The following NAMPT variants were observed in gnomAD, a reference collection of about 807,000 sequenced individuals.
The protein encoded by NAMPT is nicotinamide phosphoribosyltransferase.
In NAMPT, 7 loss-of-function variants were observed where a neutral mutation model predicts 58.7. The ratio of observed to expected loss-of-function variants is 0.12; its 90% CI spans 0.07 to 0.22. The LOEUF is 0.22. Ranked by LOEUF, NAMPT falls within the 10% of genes least tolerant of loss-of-function variation. NAMPT has a pLI of 1.00. For missense variants in NAMPT, 271 were observed against 567.9 expected, an observed-to-expected ratio of 0.48 and a Z score of 5.31; for synonymous variants, 145 against 198.1, an observed-to-expected ratio of 0.73 and a Z score of 2.25.
intron 3 of NAMPT, among the ~76,000 whole-genome samples, chr7:106,273,238 C>G (rs1277104966): frequency 6.6e-6 from 1 of 152,204 alleles, no homozygotes; most frequent in Non-Finnish European, 1.5e-5. Flanking sequence ...GCAATTAACA[C>G]TCGAGTATGA....
intron 1 of NAMPT, among the ~76,000 whole-genome samples, chr7:106,281,454 T>A (rs889877423): frequency 2.6e-5 from 4 of 152,120 alleles, no homozygotes; most frequent in Non-Finnish European, 4.4e-5. Flanking sequence ...AAGTCAACAT[T>A]TAAAAAATAA....
chr7:106,267,241 C>T (rs934619226), intron 6 of NAMPT, among the ~76,000 whole-genome samples: 2 of 152,080 alleles, frequency 1.3e-5, no homozygotes, highest in East Asian at 3.8e-4. Flanking sequence ...AATTGTACCT[C>T]CTTACGAGGA....
At chr7:106,267,343 A>C (rs1792432947) in intron 6 of NAMPT, among the ~76,000 whole-genome samples, 1 of 152,146 alleles carries the variant, frequency 6.6e-6, no homozygotes, top group South Asian at 2.1e-4. Context: ...CCCTTGTTGC[A>C]CCCAGTAGAC....
At chr7:106,266,349 CATG>C (rs1424956936) in intron 6 of NAMPT, among the ~76,000 whole-genome samples, 7 of 152,192 alleles carry the variant, frequency 4.6e-5, no homozygotes, top group African/African-American at 1.7e-4. Context: ...TCCTCCGTAT[CATG>C]ATGTTACTAC....
At chr7:106,260,282 T>TGCTTCA (rs1792280605) in intron 8 of NAMPT, among the ~76,000 whole-genome samples, 1 of 152,230 alleles carries the variant, frequency 6.6e-6, no homozygotes, top group African/African-American at 2.4e-5. Flanking sequence ...CAGCACTTGC[T>TGCTTCA]GCTTCATTCT....
At chr7:106,270,339 CAA>C (rs1401690608) in intron 4 of NAMPT, 1 of 343,960 alleles carries the variant, frequency 2.9e-6, no homozygotes, top group Non-Finnish European at 6.3e-6. Flanking sequence ...TGTGCTGAAC[CAA>C]AAAGATATTA....
intron 4 of NAMPT, among the ~76,000 whole-genome samples, chr7:106,271,514 T>C (rs769564582): frequency 1.3e-5 from 2 of 152,198 alleles, no homozygotes; most frequent in Non-Finnish European, 2.9e-5. Flanking sequence ...TGGTACTTAA[T>C]CAATATGTTA....
intron 6 of NAMPT, among the ~76,000 whole-genome samples, chr7:106,267,870 A>AAAAAAAAAAAAAAAAAC (rs1792454554): frequency 7.3e-6 from 1 of 136,436 alleles, no homozygotes; most frequent in Non-Finnish European, 1.6e-5. Flanking sequence ...AAAAAAAAAA[A>AAAAAAAAAAAAAAAAAC]AAAAAACAAC....
At chr7:106,255,008 T>TA (rs1792173629) in intron 8 of NAMPT, among the ~76,000 whole-genome samples, 1 of 152,168 alleles carries the variant, frequency 6.6e-6, no homozygotes, top group Non-Finnish European at 1.5e-5. Flanking sequence ...GAGTATAAAA[T>TA]ACTTCTCCTA....
At chr7:106,266,007 G>A (rs943394336) in intron 6 of NAMPT, among the ~76,000 whole-genome samples, 7 of 152,184 alleles carry the variant, frequency 4.6e-5, no homozygotes, top group African/African-American at 1.7e-4. Flanking sequence ...ACCTTGTCAT[G>A]TTGGAGATGT....
intron 4 of NAMPT, 84 bp from the exon 5 acceptor site, chr7:106,269,396 T>C (rs1426445069): frequency 8.2e-7 from 1 of 1,216,390 alleles, no homozygotes; most frequent in Non-Finnish European, 1.1e-6. Flanking sequence ...TTTTTTTTTT[T>C]GGAGGTATGT....
chr7:106,252,652 T>G (rs1792123063), intron 10 of NAMPT, among the ~76,000 whole-genome samples: 1 of 152,230 alleles, frequency 6.6e-6, no homozygotes, highest in Admixed American at 6.5e-5. Context: ...TTTGGTTGAT[T>G]TGAATCAGAA....
chr7:106,276,266 T>C (rs1410708864), intron 2 of NAMPT: 3 of 152,180 alleles, frequency 2.0e-5, no homozygotes, highest in Non-Finnish European at 4.4e-5. Flanking sequence ...ATAATGTGTT[T>C]GGGAACTGTT....
chr7:106,252,291 A>AATTT (rs1792117843), intron 10 of NAMPT, among the ~76,000 whole-genome samples: 2 of 152,132 alleles, frequency 1.3e-5, no homozygotes, highest in Non-Finnish European at 2.9e-5. Flanking sequence ...AGGCTATATA[A>AATTT]AGGGATCTAA....
chr7:106,277,347 T>C (rs573493431), intron 1 of NAMPT, among the ~76,000 whole-genome samples, 168 bp from the exon 2 acceptor site: 12 of 152,354 alleles, frequency 7.9e-5, no homozygotes, highest in African/African-American at 2.2e-4. Context: ...TCTAAGATAT[T>C]TTCAGAGTTC....
intron 1 of NAMPT, among the ~76,000 whole-genome samples, chr7:106,282,859 G>A (rs543192655): frequency 1.3e-5 from 2 of 152,152 alleles, no homozygotes; most frequent in African/African-American, 2.4e-5. Context: ...GCACTGATAA[G>A]GATATGTAAC....
At chr7:106,266,562 C>T (rs1263332400) in intron 6 of NAMPT, among the ~76,000 whole-genome samples, 1 of 152,072 alleles carries the variant, frequency 6.6e-6, no homozygotes, top group East Asian at 1.9e-4. Context: ...TCATAAACGT[C>T]AGCTGAATCT....
chr7:106,273,827 T>G (rs1792582507), intron 3 of NAMPT, among the ~76,000 whole-genome samples: 1 of 152,096 alleles, frequency 6.6e-6, no homozygotes, highest in Non-Finnish European at 1.5e-5. Flanking sequence ...CTTACCTGAC[T>G]TTTTCAAGAC....
At chr7:106,285,189 C>T (rs1301514028), upstream of NAMPT, 2 of 1,219,534 alleles carry the variant, frequency 1.6e-6, no homozygotes, top group South Asian at 2.5e-5. Context: ...CGGGGCGCGG[C>T]AGCGCGCTGC....
Sources: allele counts gnomAD v4.1 joint callset (sites outside exome capture counted in the v4.1 genomes callset), GRCh38; gene constraint gnomAD v4.1.1; transcripts MANE v1.5; gene names NCBI Gene and HGNC (gene_info 2026-07-23, HGNC 2026-07-21).